SSBP3: variants seen among roughly 807,000 people sequenced by gnomAD.
SSBP3 encodes single-stranded DNA-binding protein 3.
A neutral mutation model predicts 69.6 loss-of-function variants in SSBP3; 5 were observed. The ratio of observed to expected loss-of-function variants is 0.07; its 90% CI spans 0.04 to 0.15. The LOEUF is 0.15. SSBP3 is among the 10% of genes least tolerant of loss of function. The pLI is 1.00. For synonymous variants in SSBP3, 196 were observed against 193.4 expected (o/e 1.01, Z -0.11); for missense variants, 312 against 534.0 (o/e 0.58, Z 4.10).
chr1:54,333,511 G>A (rs1355064820), intron 4 of SSBP3, among the ~76,000 whole-genome samples: 5 of 151,992 alleles, frequency 3.3e-5, no homozygotes, highest in Non-Finnish European at 4.4e-5. Flanking sequence ...GGTGGCCCAC[G>A]CCTGTAAATC....
At chr1:54,303,703 C>T (rs1366922407) in intron 4 of SSBP3, among the ~76,000 whole-genome samples, 1 of 152,162 alleles carries the variant, frequency 6.6e-6, no homozygotes, top group Non-Finnish European at 1.5e-5. Flanking sequence ...CTACCAAGTA[C>T]TTGAAATGTG....
At chr1:54,322,865 C>A (rs1428472985) in intron 4 of SSBP3, among the ~76,000 whole-genome samples, 1 of 152,162 alleles carries the variant, frequency 6.6e-6, no homozygotes, top group Non-Finnish European at 1.5e-5. Context: ...AAACAGGAAC[C>A]CATACAATCA....
intron 1 of SSBP3, among the ~76,000 whole-genome samples, chr1:54,411,891 CAA>C (rs71066917): frequency 1.3e-4 from 11 of 87,996 alleles, no homozygotes; most frequent in Non-Finnish European, 1.3e-4. Flanking sequence ...GACTCCGTCT[CAA>C]AAAAAAAAAA....
In SSBP3 at chr1:54,364,178, G is replaced by T. The variant is rs546456375; in HGVS notation, c.276+37683C>A. Reference sequence around the variant, plus strand: ...GACACAACCACACCCATTCATTTCTGTCCTGTCTATGGCTGATTTCTATGC... The same window carrying T: ...GACACAACCACACCCATTCATTTCTTTCCTGTCTATGGCTGATTTCTATGC... On this transcript the variant is annotated intron_variant, in intron 4 of 17. Coordinates refer to ENST00000610401, the Ensembl canonical transcript of SSBP3. 2.0e-5 allele frequency among the ~76,000 whole-genome samples: 3 copies of T among 152,302 alleles called. No homozygotes were observed. The East Asian group carries it at 5.8e-4, about 29-fold the overall frequency.
chr1:54,288,064 C>T lies in SSBP3; in HGVS notation c.277-6537G>A, dbSNP rs542874794. Among the ~76,000 whole-genome samples, 49 of 152,238 alleles carry T rather than the reference C, an allele frequency of 3.2e-4. No individual in the cohort carries two copies. In the South Asian group the frequency reaches 1.0e-2, roughly 31 times the overall value. On this transcript the variant is annotated intron_variant, in intron 4 of 17. Coordinates refer to ENST00000610401, the Ensembl canonical transcript of SSBP3. The stretch of plus-strand genomic sequence containing the variant: ...CGGCCCTGGGTCCAACAGTAGATGC[C>T]CCAAGCTACAAAAAGCTTCTTGGCT...
At chr1:54,336,051 C>T (rs1056445738) in intron 4 of SSBP3, among the ~76,000 whole-genome samples, 1 of 152,240 alleles carries the variant, frequency 6.6e-6, no homozygotes, top group African/African-American at 2.4e-5. Flanking sequence ...CCTCTCTGAG[C>T]TTCAGCTACT....
chr1:54,227,168 G>GGC lies in SSBP3; in HGVS notation c.1138-9_1138-8insGC. On this transcript the variant is annotated splice_polypyrimidine_tract_variant and intron_variant, in intron 17 of 17. Transcript: ENST00000610401. ...CGTCATGCTTGGAGAATACTGGAAA[G>GGC]GAGAAGCAGAGAAGGGGGGGGGGTG... 1.0e-6 allele frequency: 1 copy of GGC among 966,964 alleles called. No homozygotes were observed. Among genetic ancestry groups the GGC allele is most frequent in the African/African-American group, 2.0e-5 (1 of 50,190 alleles). The allele number at this position is 966,964 out of a possible 1,614,324, so 59.9% of individuals were successfully genotyped here.
chr1:54,316,660 TA>T lies in SSBP3; in HGVS notation c.277-35134del, dbSNP rs1329947274. Among the ~76,000 whole-genome samples, 263 of 27,578 alleles carry T rather than the reference TA, an allele frequency of 9.5e-3. 18 individuals are homozygous for T. Among genetic ancestry groups the T allele is most frequent in the East Asian group, 0.045 (12 of 266 alleles). 18.1% of individuals were successfully genotyped at this position (27,578 alleles called of 152,430 possible). A position where few individuals can be genotyped will look rare whatever the true frequency, so the allele number is the denominator to read the frequency against. ...GAGACTCCGTCTCAAAAAAAAAAAA[TA>T]AAATAAATAAATAAATAAATAAATA... is the stretch of plus-strand genomic sequence containing the variant. On this transcript the variant is annotated intron_variant, in intron 4 of 17. Coordinates refer to ENST00000610401, the Ensembl canonical transcript of SSBP3.
chr1:54,337,485 C>CT (rs869039822), intron 4 of SSBP3, among the ~76,000 whole-genome samples: 1,584 of 51,140 alleles, frequency 0.031, 383 homozygotes, highest in Non-Finnish European at 0.037. Context: ...TTTCCTCAAG[C>CT]TTTTTTTTTT....
chr1:54,337,950 G>A (rs1456246836), intron 4 of SSBP3, among the ~76,000 whole-genome samples: 3 of 152,298 alleles, frequency 2.0e-5, no homozygotes, highest in Middle Eastern at 3.4e-3. Context: ...ACAACATAAT[G>A]AGACCCCCAT....
intron 4 of SSBP3, among the ~76,000 whole-genome samples, chr1:54,290,794 G>A (rs1645591259): frequency 1.3e-5 from 2 of 152,218 alleles, no homozygotes; most frequent in South Asian, 2.1e-4. Flanking sequence ...GCAAGACAAG[G>A]AAGATTAAGG....
At chr1:54,360,552 G>C (rs1569932355) in intron 4 of SSBP3, among the ~76,000 whole-genome samples, 1 of 152,166 alleles carries the variant, frequency 6.6e-6, no homozygotes, top group Non-Finnish European at 1.5e-5. Flanking sequence ...ACTGGCCTGG[G>C]AATGGCTTTG....
chr1:54,321,695 G>A (rs769417596), intron 4 of SSBP3, among the ~76,000 whole-genome samples: 2 of 152,234 alleles, frequency 1.3e-5, no homozygotes, highest in Non-Finnish European at 2.9e-5. Flanking sequence ...CTTGCAGATG[G>A]TAAGCCCTCA....
At chr1:54,303,609 A>G (rs1289640169) in intron 4 of SSBP3, among the ~76,000 whole-genome samples, 4 of 152,216 alleles carry the variant, frequency 2.6e-5, no homozygotes, top group African/African-American at 9.7e-5. Flanking sequence ...AAACTGCATT[A>G]AACAGGTCCA....
chr1:54,405,007 C>T, intron 1 of SSBP3, 77 bp from the exon 2 acceptor site: 8 of 1,347,228 alleles, frequency 5.9e-6, no homozygotes, highest in Non-Finnish European at 8.4e-6. Flanking sequence ...ACCTTGCCAG[C>T]AGGCTTTGAG....
chr1:54,346,416 T>C (rs1173841107), intron 4 of SSBP3, among the ~76,000 whole-genome samples: 1 of 152,130 alleles, frequency 6.6e-6, no homozygotes, highest in Non-Finnish European at 1.5e-5. Flanking sequence ...GAATTTTGAT[T>C]TGGGGCCTGG....
intron 4 of SSBP3, among the ~76,000 whole-genome samples, chr1:54,385,954 C>T (rs1475460575): frequency 1.3e-5 from 2 of 152,176 alleles, no homozygotes; most frequent in Non-Finnish European, 2.9e-5. Context: ...AAAGTCGCTT[C>T]CTTTTTCAAA....
At chr1:54,328,927 G>A (rs1346524377) in intron 4 of SSBP3, among the ~76,000 whole-genome samples, 2 of 152,212 alleles carry the variant, frequency 1.3e-5, no homozygotes, top group African/African-American at 2.4e-5. Flanking sequence ...TGTCCAGGAG[G>A]GCAGGGGCTG....
chr1:54,339,819 TAGG>T (rs1223232850), intron 4 of SSBP3, among the ~76,000 whole-genome samples: 1 of 151,916 alleles, frequency 6.6e-6, no homozygotes, highest in Non-Finnish European at 1.5e-5. Flanking sequence ...AGGCTGAGGG[TAGG>T]AGAATTGCTT....
Sources: gnomAD v4.1 joint callset for allele counts (sites outside exome capture counted in the v4.1 genomes callset) on GRCh38, gnomAD v4.1.1 for gene constraint, MANE v1.5 for transcripts, NCBI Gene and HGNC (gene_info 2026-07-23, HGNC 2026-07-21) for gene names.